Variants in UBE2QL1 observed in about 807,000 individuals in gnomAD.
UBE2QL1 encodes ubiquitin conjugating enzyme E2 QL1.
A neutral mutation model predicts 12.6 loss-of-function variants in UBE2QL1; 5 were observed. The observed-to-expected ratio is 0.40, with a 90% CI of 0.21 to 0.83. UBE2QL1 has a LOEUF of 0.83. Ranked by LOEUF, UBE2QL1 falls within the 40% of genes least tolerant of loss-of-function variation. The probability of loss-of-function intolerance (pLI) is 0.37; values close to 1 mark genes in which losing one functional copy is unlikely to be tolerated. For synonymous variants in UBE2QL1, 96 were observed against 94.5 expected, an observed-to-expected ratio of 1.02 and a Z score of -0.10; for missense variants, 99 against 222.6, an observed-to-expected ratio of 0.44 and a Z score of 3.53.
chr5:6,461,842 C>G (rs1468861517), intron 1 of UBE2QL1, among the ~76,000 whole-genome samples: 1 of 152,204 alleles, frequency 6.6e-6, no homozygotes, highest in African/African-American at 2.4e-5. Context: ...CCCTCCATCC[C>G]CACCTTGGCT....
At chr5:6,467,603 T>C (rs370581051) in intron 1 of UBE2QL1, among the ~76,000 whole-genome samples, 3 of 152,244 alleles carry the variant, frequency 2.0e-5, no homozygotes, top group Admixed American at 1.3e-4. Context: ...GACTTCAGCA[T>C]AGGAATTTGA....
intron 1 of UBE2QL1, among the ~76,000 whole-genome samples, chr5:6,477,153 C>T (rs1579297940): frequency 6.6e-6 from 1 of 152,216 alleles, no homozygotes; most frequent in African/African-American, 2.4e-5. Context: ...AAACAGCCCA[C>T]CTTGTGTGCT....
intron 1 of UBE2QL1, among the ~76,000 whole-genome samples, chr5:6,449,960 C>G (rs1739379758): frequency 6.7e-6 from 1 of 149,784 alleles, no homozygotes; most frequent in South Asian, 2.2e-4. Context: ...CAGCTGCCTG[C>G]TTGTAAATCC....
intron 1 of UBE2QL1, among the ~76,000 whole-genome samples, chr5:6,469,371 A>G (rs187082559): frequency 6.6e-6 from 1 of 151,032 alleles, no homozygotes; most frequent in Admixed American, 6.6e-5. Context: ...CTTTATATAT[A>G]TGTATATGAA....
In UBE2QL1 at chr5:6,449,868, A is replaced by C. The variant is rs1198167642; in HGVS notation, c.354+621A>C. Among the ~76,000 whole-genome samples, 574 of 116,872 alleles carry C rather than the reference A, an allele frequency of 4.9e-3. 2 individuals are homozygous for C. The highest frequency in any genetic ancestry group is 5.3e-3 in the Admixed American group (64 of 11,990). 76.7% of individuals were successfully genotyped at this position (116,872 alleles called of 152,430 possible). A position where few individuals can be genotyped will look rare whatever the true frequency, so the allele number is the denominator to read the frequency against. On this transcript the variant is annotated intron_variant, in intron 1 of 1. Coordinates refer to ENST00000399816, the MANE Select transcript of UBE2QL1 (RefSeq NM_001145161.3). ...ACCTAGCTGATCTCCCACCTCCCCA[A>C]CCCCCCCCACACACACACACACAAG...
At chr5:6,465,353 G>T (rs1236855600) in intron 1 of UBE2QL1, among the ~76,000 whole-genome samples, 1 of 152,206 alleles carries the variant, frequency 6.6e-6, no homozygotes. Flanking sequence ...ATTAAGCAGA[G>T]TTAGGAAACA....
intron 1 of UBE2QL1, among the ~76,000 whole-genome samples, chr5:6,463,724 T>C (rs1197877259): frequency 6.7e-6 from 1 of 150,314 alleles, no homozygotes; most frequent in African/African-American, 2.4e-5. Flanking sequence ...GCCTCCCGGG[T>C]TCACGCCGTT....
At chr5:6,488,594 C>T (rs1263201522) in intron 1 of UBE2QL1, among the ~76,000 whole-genome samples, 1 of 151,832 alleles carries the variant, frequency 6.6e-6, no homozygotes, top group Non-Finnish European at 1.5e-5. Flanking sequence ...CCCAGGAGTT[C>T]GAGACCAGCC....
At chr5:6,485,863 A>G (rs1452521380) in intron 1 of UBE2QL1, among the ~76,000 whole-genome samples, 1 of 152,242 alleles carries the variant, frequency 6.6e-6, no homozygotes, top group Non-Finnish European at 1.5e-5. Context: ...ACCTGTTAAG[A>G]CAGACATAAT....
chr5:6,455,767 C>G (rs369850649), intron 1 of UBE2QL1, among the ~76,000 whole-genome samples: 2 of 152,090 alleles, frequency 1.3e-5, no homozygotes, highest in East Asian at 3.9e-4. Context: ...CCTCACCCAC[C>G]AGTAACCACA....
rs2126380128 is a variant in UBE2QL1 at position 6,493,004 on chromosome 5, T to C, written c.*1655T>C. On this transcript the variant is annotated 3_prime_UTR_variant, in exon 2 of 2. Transcript: ENST00000399816. ...GGCGCCTTTCAGCAGGGCTGCCCAT[T>C]CACCAAACTTATTGTTACTTTTGTT... The C allele has an allele frequency of 6.6e-6, 1 of 152,396 alleles. No individual in the cohort carries two copies. The highest frequency in any genetic ancestry group is 2.1e-4 in the South Asian group (1 of 4,832). 9.4% of individuals were successfully genotyped at this position (152,396 alleles called of 1,614,324 possible). A position where few individuals can be genotyped will look rare whatever the true frequency, so the allele number is the denominator to read the frequency against.
intron 1 of UBE2QL1, among the ~76,000 whole-genome samples, chr5:6,484,830 A>C (rs138023069): frequency 6.6e-6 from 1 of 151,686 alleles, no homozygotes; most frequent in Non-Finnish European, 1.5e-5. Flanking sequence ...GTTCTGACAG[A>C]TTCGGAACCC....
intron 1 of UBE2QL1, among the ~76,000 whole-genome samples, chr5:6,483,575 G>A (rs1734407177): frequency 6.6e-6 from 1 of 152,228 alleles, no homozygotes; most frequent in Non-Finnish European, 1.5e-5. Flanking sequence ...CACCTGCTGG[G>A]ACTCTGCTCG....
At chr5:6,474,773 T>C (rs1396616486) in intron 1 of UBE2QL1, among the ~76,000 whole-genome samples, 1 of 152,182 alleles carries the variant, frequency 6.6e-6, no homozygotes, top group Admixed American at 6.5e-5. Context: ...ACTGGAATAA[T>C]GCGTGGTGGG....
In UBE2QL1 at chr5:6,478,064, G is replaced by A. The variant is rs1323064177; in HGVS notation, c.355-13154G>A. Among the ~76,000 whole-genome samples, 1 of 152,202 alleles carries A rather than the reference G, an allele frequency of 6.6e-6. No homozygotes were observed. The highest frequency in any genetic ancestry group is 1.5e-5 in the Non-Finnish European group (1 of 68,034). On this transcript the variant is annotated intron_variant, in intron 1 of 1. Transcript: ENST00000399816. The surrounding 1 kb of genome is among the most constrained non-coding windows in gnomAD (Gnocchi z 4.5). ...TCAGAAAAGTAACAAAGTAGGTGAAGTAAATAATCCATGTAGAGTCTTATT... is the reference window on the plus strand; with the variant it reads ...TCAGAAAAGTAACAAAGTAGGTGAAATAAATAATCCATGTAGAGTCTTATT...
intron 1 of UBE2QL1, among the ~76,000 whole-genome samples, chr5:6,469,084 G>C (rs975974471): frequency 1.3e-5 from 2 of 152,176 alleles, no homozygotes; most frequent in African/African-American, 4.8e-5. Flanking sequence ...CCTGTCTCTT[G>C]CCTCCTTGGA....
chr5:6,484,452 C>T (rs568292247), intron 1 of UBE2QL1, among the ~76,000 whole-genome samples: 14 of 152,296 alleles, frequency 9.2e-5, no homozygotes, highest in African/African-American at 2.4e-4. Flanking sequence ...CCTTCAGTCT[C>T]GGGAGTCCTT....
In UBE2QL1 at chr5:6,491,407, A is replaced by T. The variant is rs1734567319; in HGVS notation, c.*58A>T. On this transcript the variant is annotated 3_prime_UTR_variant, in exon 2 of 2. Transcript: ENST00000399816. ...TGTCCACACACACACCAGTACCCTG[A>T]CATCTCCTCAATGCTGTGCATCCTC... 6.7e-7 allele frequency: 1 copy of T among 1,494,356 alleles called. No homozygotes were observed. The highest frequency in any genetic ancestry group is 2.5e-5 in the East Asian group (1 of 40,408). The allele number at this position is 1,494,356 out of a possible 1,614,324, so 92.6% of individuals were successfully genotyped here. A position where few individuals can be genotyped will look rare whatever the true frequency, so the allele number is the denominator to read the frequency against.
In UBE2QL1 at chr5:6,491,685, G is replaced by A. The variant is rs912011975; in HGVS notation, c.*336G>A. On this transcript the variant is annotated 3_prime_UTR_variant, in exon 2 of 2. Transcript: ENST00000399816. ...TTCTTTCCATGACAGCAGCTCCGAC[G>A]AGCCGGCAGGAAACTCAATGCCCCT... The A allele has an allele frequency of 1.1e-5, 2 of 174,746 alleles. No homozygotes were observed. Among genetic ancestry groups the A allele is most frequent in the East Asian group, 1.5e-4 (1 of 6,632 alleles). The allele number at this position is 174,746 out of a possible 1,614,324, so 10.8% of individuals were successfully genotyped here.
Sources: allele counts gnomAD v4.1 joint callset (sites outside exome capture counted in the v4.1 genomes callset), GRCh38; gene constraint gnomAD v4.1.1; non-coding constraint Gnocchi (gnomAD v3.1); transcripts MANE v1.5; gene names NCBI Gene and HGNC (gene_info 2026-07-23, HGNC 2026-07-21).